Variants in KIAA2013 observed in about 807,000 individuals in gnomAD.
KIAA2013 encodes KIAA2013.
Under a neutral mutation model 39.9 loss-of-function variants are expected in KIAA2013, and 20 were observed. The ratio of observed to expected loss-of-function variants is 0.50; its 90% CI spans 0.35 to 0.73. The LOEUF is 0.73. KIAA2013 is among the 30% of genes least tolerant of loss of function. The pLI is 0.01. For synonymous variants in KIAA2013, 336 were observed against 416.6 expected, an observed-to-expected ratio of 0.81 and a Z score of 2.35; for missense variants, 587 against 856.1, an observed-to-expected ratio of 0.69 and a Z score of 3.92.
intron 2 of KIAA2013, among the ~76,000 whole-genome samples, chr1:11,920,986 A>AAT (rs1645471147): frequency 6.6e-6 from 1 of 152,110 alleles, no homozygotes; most frequent in African/African-American, 2.4e-5. Context: ...CGCAGAGCCT[A>AAT]ATATACCTCT....
chr1:11,922,403 G>A (rs1557471610), intron 2 of KIAA2013: 6 of 1,441,574 alleles, frequency 4.2e-6, no homozygotes, highest in African/African-American at 1.4e-5. Context: ...GGAGGGGAGG[G>A]CTGCCCTGGA....
Position 11,925,327 on chromosome 1 carries a change from G to A in KIAA2013, c.911C>T (p.Ala304Val). The A allele has an allele frequency of 6.2e-7, 1 of 1,613,896 alleles. No homozygotes were observed. The highest frequency in any genetic ancestry group is 1.1e-5 in the South Asian group (1 of 91,080). Residue 304 changes from alanine (A) to valine (V), a missense_variant, in exon 1 of 3, where the codon GCA becomes GTA. By Grantham distance (64) the Ala-to-Val change is moderately conservative. Coordinates refer to ENST00000376572, the MANE Select transcript of KIAA2013 (RefSeq NM_138346.3). The surrounding 1 kb of genome is among the most constrained non-coding windows in gnomAD (Gnocchi z 5.2). ...CTGCAGCGCCTTGAGCTCCTTGGCT[G>A]CTTTGCTTTTGAGCACCTGGGGGTT... ...PINPQVLKSK[A>V]AKELKALQDL...
chr1:11,921,155 A>G (rs528816849), intron 2 of KIAA2013, among the ~76,000 whole-genome samples: 3 of 152,210 alleles, frequency 2.0e-5, no homozygotes, highest in African/African-American at 7.2e-5. Context: ...ACAACTGCTA[A>G]CAAAGGCCTC....
intron 2 of KIAA2013, 99 bp from the exon 3 acceptor site, chr1:11,920,431 C>T: frequency 8.0e-7 from 1 of 1,252,452 alleles, no homozygotes; most frequent in Non-Finnish European, 1.2e-6. Flanking sequence ...GGCACCACAC[C>T]CTGGCTCTGA....
In KIAA2013 at chr1:11,923,098, G is replaced by T. The variant is rs80243575; in HGVS notation, c.1425C>A (p.Asp475Glu). The T allele has an allele frequency of 9.5e-4, 1,531 of 1,610,286 alleles. 15 individuals are homozygous for T. The African/African-American group carries it at 0.018, about 19-fold the overall frequency. Residue 475 changes from aspartate (D) to glutamate (E), a missense_variant, in exon 2 of 3, where the codon GAC becomes GAA. By Grantham distance (45) the Asp-to-Glu change is conservative. Transcript: ENST00000376572. This position sits in a 1 kb window ranked among gnomAD's most constrained non-coding sequence, Gnocchi z 4.6. The part of the protein sequence containing the change: ...ENHLQFQADP[D>E]VLHNSYALHG... ...GCAATGCATAGCTGTTGTGCAGCAC[G>T]TCGGGGTCGGCCTGGAACTGGAGGT...
Position 11,926,131 on chromosome 1 carries a change from C to G in KIAA2013, c.107G>C (p.Gly36Ala), listed in dbSNP as rs1569640513. The G allele has an allele frequency of 1.4e-6, 2 of 1,407,038 alleles. No homozygotes were observed. Among genetic ancestry groups the G allele is most frequent in the East Asian group, 3.5e-5 (1 of 28,550 alleles). 87.2% of individuals were successfully genotyped at this position (1,407,038 alleles called of 1,614,324 possible). Residue 36 changes from glycine (G) to alanine (A), a missense_variant, in exon 1 of 3, where the codon GGG becomes GCG. Gly to Ala is a moderately conservative substitution (Grantham distance 60, BLOSUM62 0). Coordinates refer to ENST00000376572, the MANE Select transcript of KIAA2013 (RefSeq NM_138346.3). ...LGLLLLLLWF[G>A]GSGARRAAGG... ...CGCCGCCCGCCGCGCGCCGGACCCC[C>G]CAAACCACAGAAGCAGCAGCAGGAG...
Position 11,919,824 on chromosome 1 carries a change from G to A in KIAA2013, c.*491C>T, listed in dbSNP as rs1645464381. ...CCCTGGGGGGCCCCGGCCCAGCCTC[G>A]GGACCGTGGGGCCTCCGAACGCCGA... On this transcript the variant is annotated 3_prime_UTR_variant, in exon 3 of 3. Coordinates refer to ENST00000376572, the MANE Select transcript of KIAA2013 (RefSeq NM_138346.3). The A allele has an allele frequency of 1.7e-5, 3 of 179,218 alleles. No individual in the cohort carries two copies. Among genetic ancestry groups the A allele is most frequent in the South Asian group, 1.1e-4 (1 of 8,914 alleles). 11.1% of individuals were successfully genotyped at this position (179,218 alleles called of 1,614,324 possible). A position where few individuals can be genotyped will look rare whatever the true frequency, so the allele number is the denominator to read the frequency against.
intron 2 of KIAA2013, chr1:11,922,152 ATTT>A (rs35040868): frequency 8.8e-4 from 110 of 124,422 alleles, no homozygotes; most frequent in Middle Eastern, 4.1e-3. Flanking sequence ...CCTGCCTCTA[ATTT>A]TTTTTTTTTT....
In KIAA2013 at chr1:11,925,189, G is replaced by A; in HGVS notation, c.1033+16C>T. Reference sequence around the variant, plus strand: ...GGGACATATCTAGGGTGGACCAAGCGCTGGCCAGGACTCACCTGGGCTGAA... The same window carrying A: ...GGGACATATCTAGGGTGGACCAAGCACTGGCCAGGACTCACCTGGGCTGAA... On this transcript the variant is annotated intron_variant, in intron 1 of 2. Coordinates refer to ENST00000376572, the MANE Select transcript of KIAA2013 (RefSeq NM_138346.3). This position sits in a 1 kb window ranked among gnomAD's most constrained non-coding sequence, Gnocchi z 5.2. 6.5e-6 allele frequency: 10 copies of A among 1,547,086 alleles called. No homozygotes were observed. The highest frequency in any genetic ancestry group is 1.2e-5 in the South Asian group (1 of 80,552).
Position 11,923,631 on chromosome 1 carries a change from G to T in KIAA2013, c.1034-142C>A, listed in dbSNP as rs1428015246. ...GTGGTGCCCATCTCCCTAAAGTATA[G>T]AAGAAAGTCAGCCTGTCTTGTTTAC... On this transcript the variant is annotated intron_variant, in intron 1 of 2. Coordinates refer to ENST00000376572, the MANE Select transcript of KIAA2013 (RefSeq NM_138346.3). The surrounding 1 kb of genome is among the most constrained non-coding windows in gnomAD (Gnocchi z 4.6). 7.7e-6 allele frequency: 7 copies of T among 905,996 alleles called. No homozygotes were observed. The African/African-American group carries it at 1.2e-4, about 15-fold the overall frequency. The allele number at this position is 905,996 out of a possible 1,614,324, so 56.1% of individuals were successfully genotyped here. A position where few individuals can be genotyped will look rare whatever the true frequency, so the allele number is the denominator to read the frequency against.
At position 11,923,635 on chromosome 1, in the gene KIAA2013, A is replaced by G. The variant is rs547374197; in HGVS notation, c.1034-146T>C. 2.2e-6 allele frequency: 2 copies of G among 889,794 alleles called. No homozygotes were observed. Among genetic ancestry groups the G allele is most frequent in the African/African-American group, 3.3e-5 (2 of 59,756 alleles). The allele number at this position is 889,794 out of a possible 1,614,324, so 55.1% of individuals were successfully genotyped here. A position where few individuals can be genotyped will look rare whatever the true frequency, so the allele number is the denominator to read the frequency against. On this transcript the variant is annotated intron_variant, in intron 1 of 2. Coordinates refer to ENST00000376572, the MANE Select transcript of KIAA2013 (RefSeq NM_138346.3). The surrounding 1 kb of genome is among the most constrained non-coding windows in gnomAD (Gnocchi z 4.6). ...TGCCCATCTCCCTAAAGTATAGAAGAAAGTCAGCCTGTCTTGTTTACACGA... is the reference window on the plus strand; with the variant it reads ...TGCCCATCTCCCTAAAGTATAGAAGGAAGTCAGCCTGTCTTGTTTACACGA...
rs1187605174 is a variant in KIAA2013, at chr1:11,922,909, G to A, written c.1614C>T (p.Pro538=). The change falls in exon 2 of 3, where the codon CCC becomes CCT. Residue 538 remains proline (P), a synonymous_variant. Transcript: ENST00000376572. ...CCATGACCGAGAAGGTGTGGCCCGTGGGCGCCGAGGTCAGCTCCACTGGCT... is the reference window on the plus strand; with the variant it reads ...CCATGACCGAGAAGGTGTGGCCCGTAGGCGCCGAGGTCAGCTCCACTGGCT... ...LDEPVELTSA[P]TGHTFSVMVT... is the part of the protein sequence containing the mutation. 1.2e-6 allele frequency: 2 copies of A among 1,611,890 alleles called. No individual in the cohort carries two copies. Among genetic ancestry groups the A allele is most frequent in the African/African-American group, 2.7e-5 (2 of 75,034 alleles).
Position 11,923,455 on chromosome 1 carries a change from C to A in KIAA2013, c.1068G>T (p.Thr356=), listed in dbSNP as rs1483902083. 1.2e-6 allele frequency: 2 copies of A among 1,608,666 alleles called. No individual in the cohort carries two copies. The highest frequency in any genetic ancestry group is 2.2e-5 in the East Asian group (1 of 44,894). Residue 356 remains threonine (T), a synonymous_variant, in exon 2 of 3, where the codon ACG becomes ACT. Transcript: ENST00000376572. This position sits in a 1 kb window ranked among gnomAD's most constrained non-coding sequence, Gnocchi z 4.6. Reference sequence around the variant, plus strand: ...TCAGGTTCACGGTGAGGCCAGACGGCGTGTGGGTGTCAGTGATCTTCTTCA... The same window carrying A: ...TCAGGTTCACGGTGAGGCCAGACGGAGTGTGGGTGTCAGTGATCTTCTTCA... ...VEMKKITDTH[T]PSGLTVNLTL...
chr1:11,923,299 G>A lies in KIAA2013; in HGVS notation c.1224C>T (p.His408=), dbSNP rs368836243. The change falls in exon 2 of 3, where the codon CAC becomes CAT. Residue 408 remains histidine, a synonymous_variant. Coordinates refer to ENST00000376572, the MANE Select transcript of KIAA2013 (RefSeq NM_138346.3). This position sits in a 1 kb window ranked among gnomAD's most constrained non-coding sequence, Gnocchi z 4.6. ...GCCGCCCCGGCCACAGGTTCTCGGC[G>A]TGCATGGTGGCGTGCCCGCTGAAGC... ...DHCFSGHATM[H]AENLWPGRLS... 8.5e-5 allele frequency: 137 copies of A among 1,613,294 alleles called. No individual in the cohort carries two copies. The highest frequency in any genetic ancestry group is 1.0e-4 in the Non-Finnish European group (119 of 1,179,542).
chr1:11,925,080 G>A lies in KIAA2013; in HGVS notation c.1033+125C>T. On this transcript the variant is annotated intron_variant, in intron 1 of 2. Transcript: ENST00000376572. This position sits in a 1 kb window ranked among gnomAD's most constrained non-coding sequence, Gnocchi z 5.2. ...GGTCGCACAGACACTAAGCAGTTGA[G>A]CAGATTCAACCACTGGTGAAACGCC... The A allele has an allele frequency of 2.4e-6, 2 of 828,582 alleles. No individual in the cohort carries two copies. The highest frequency in any genetic ancestry group is 3.7e-6 in the Non-Finnish European group (2 of 536,036). The allele number at this position is 828,582 out of a possible 1,614,324, so 51.3% of individuals were successfully genotyped here. A position where few individuals can be genotyped will look rare whatever the true frequency, so the allele number is the denominator to read the frequency against.
intron 1 of KIAA2013, among the ~76,000 whole-genome samples, chr1:11,924,291 C>T (rs1380247250): frequency 6.9e-6 from 1 of 144,952 alleles, no homozygotes; most frequent in African/African-American, 2.5e-5. Flanking sequence ...AAGGTTTCGC[C>T]ACGTTGGCCA....
At chr1:11,922,185 G>A (rs929712117) in intron 2 of KIAA2013, 1 of 181,782 alleles carries the variant, frequency 5.5e-6, no homozygotes, top group Non-Finnish European at 9.7e-6. Context: ...ACTTTTATTT[G>A]CTTTTTTGTT....
rs1037446365 is a variant in KIAA2013 at position 11,926,356 on chromosome 1, C to G, written c.-119G>C. 25 of 277,920 alleles carry G rather than the reference C, an allele frequency of 9.0e-5. No individual in the cohort carries two copies. Among genetic ancestry groups the G allele is most frequent in the African/African-American group, 5.0e-4 (22 of 43,742 alleles). 17.2% of individuals were successfully genotyped at this position (277,920 alleles called of 1,614,324 possible). ...GGACCGCGGCGCCCACCCCGGCCCC[C>G]GCCGCAACCGCCGCAGCAGCCGCCA... On this transcript the variant is annotated 5_prime_UTR_variant, in exon 1 of 3. Transcript: ENST00000376572.
Position 11,922,704 on chromosome 1 carries a change from G to C in KIAA2013, c.1819C>G (p.Leu607Val), listed in dbSNP as rs368502083. ...SVASLITLFHLFLFKLIYNEY... is the reference protein window; with the variant it reads ...SVASLITLFHVFLFKLIYNEY... ...TTGTAGATGAGCTTGAAGAGGAAGA[G>C]GTGGAAGAGGGTGATTAGGGAGGCC... The change falls in exon 2 of 3, where the codon CTC becomes GTC. Residue 607 changes from leucine (L) to valine (V), a missense_variant. Leu to Val is a conservative substitution (Grantham distance 32). Transcript: ENST00000376572. The C allele has an allele frequency of 1.2e-6, 2 of 1,613,802 alleles. No individual in the cohort carries two copies. The highest frequency in any genetic ancestry group is 2.2e-5 in the South Asian group (2 of 90,986).
Sources: gnomAD v4.1 joint callset for allele counts (sites outside exome capture counted in the v4.1 genomes callset) on GRCh38, gnomAD v4.1.1 for gene constraint, Gnocchi (gnomAD v3.1) non-coding constraint, MANE v1.5 for transcripts, NCBI Gene and HGNC (gene_info 2026-07-23, HGNC 2026-07-21) for gene names.